The following UGT1A10 variants were observed in gnomAD, a reference collection of about 807,000 sequenced individuals.
UGT1A10 encodes the protein UDP glucuronosyltransferase family 1 member A10, also known as UDP-glucuronosyltransferase 1A10.
UGT1A10 carries 49 observed loss-of-function variants against 45.8 expected under a neutral mutation model. The observed-to-expected ratio is 1.07, with a 90% CI of 0.85 to 1.36. The LOEUF (loss-of-function observed/expected upper bound fraction) is 1.36, where lower values mean the gene tolerates loss of function less well. UGT1A10 is among the 40% of genes most tolerant of loss of function. UGT1A10 has a pLI of 0.00. For missense variants in UGT1A10, 745 were observed against 668.6 expected (o/e 1.11, Z -1.26); for synonymous variants, 284 against 249.7 (o/e 1.14, Z -1.29).
At chr2:233,718,728 G>C in intron 1 of UGT1A10, 1 of 1,610,998 alleles carries the variant, frequency 6.2e-7, no homozygotes, top group Non-Finnish European at 8.5e-7. Flanking sequence ...TGATTTGCTA[G>C]GTGGCTCAAT....
chr2:233,693,309 G>A (rs1394238379), intron 1 of UGT1A10: 4 of 1,614,038 alleles, frequency 2.5e-6, no homozygotes, highest in Middle Eastern at 1.6e-4. Flanking sequence ...TTTGCTGAGC[G>A]ATCATTCCTA....
intron 1 of UGT1A10, among the ~76,000 whole-genome samples, chr2:233,638,737 C>T (rs1188649158): frequency 1.3e-5 from 2 of 152,140 alleles, no homozygotes; most frequent in Admixed American, 6.5e-5. Flanking sequence ...GACTTTGTAA[C>T]ACAGTTATAT....
At position 233,636,970 on chromosome 2, in the gene UGT1A10, T is replaced by C. The variant is rs759351679; in HGVS notation, c.448T>C (p.Phe150Leu). The part of the protein sequence containing the change: ...SSFDAVFLDP[F>L]DTCGLIVAKY... ...TTTTGATGCAGTGTTTCTGGATCCT[T>C]TTGATACCTGTGGCTTAATTGTTGC... The change falls in exon 1 of 5, where the codon TTT (phenylalanine) becomes CTT (leucine). Residue 150 changes from phenylalanine to leucine, a missense_variant. Physicochemically the swap from Phe to Leu is conservative, Grantham distance 22. Coordinates refer to ENST00000344644, the MANE Select transcript of UGT1A10 (RefSeq NM_019075.4). 6.2e-6 allele frequency: 10 copies of C among 1,614,178 alleles called. No individual in the cohort carries two copies. In the South Asian group the frequency reaches 1.1e-4, roughly 18 times the overall value.
At chr2:233,699,748 C>T (rs1437214781) in intron 1 of UGT1A10, among the ~76,000 whole-genome samples, 1 of 152,182 alleles carries the variant, frequency 6.6e-6, no homozygotes, top group African/African-American at 2.4e-5. Context: ...GAAAACTAGA[C>T]CCCAGTTCCT....
intron 1 of UGT1A10, chr2:233,747,707 A>C (rs1693758037): frequency 1.2e-6 from 2 of 1,612,800 alleles, no homozygotes; most frequent in East Asian, 4.5e-5. Context: ...CTAAGTACCT[A>C]TCAATTCCTG....
intron 1 of UGT1A10, among the ~76,000 whole-genome samples, chr2:233,749,836 C>T (rs550199256): frequency 1.5e-4 from 23 of 152,008 alleles, no homozygotes; most frequent in South Asian, 8.3e-4. Context: ...TCATGTAAGA[C>T]GTGTCTTTGC....
rs1700558646 is a variant in UGT1A10, at chr2:233,772,951, T to C, written c.*392T>C. The stretch of plus-strand genomic sequence containing the variant: ...AATCTTATCTTTTGGCTTCTGCAGA[T>C]GGTTGCAATTGATCCTTAACCAATA... On this transcript the variant is annotated 3_prime_UTR_variant, in exon 5 of 5. Transcript: ENST00000344644. 1 of 322,076 alleles carries C rather than the reference T, an allele frequency of 3.1e-6. No homozygotes were observed. Among genetic ancestry groups the C allele is most frequent in the South Asian group, 3.1e-5 (1 of 32,036 alleles). The allele number at this position is 322,076 out of a possible 1,614,324, so 20.0% of individuals were successfully genotyped here. A position where few individuals can be genotyped will look rare whatever the true frequency, so the allele number is the denominator to read the frequency against.
intron 1 of UGT1A10, among the ~76,000 whole-genome samples, chr2:233,746,235 C>A (rs565676121): frequency 6.6e-6 from 1 of 151,714 alleles, no homozygotes; most frequent in South Asian, 2.1e-4. Flanking sequence ...ATGCAAACTG[C>A]TAAAAGATAC....
At chr2:233,724,292 C>T (rs1379070155) in intron 1 of UGT1A10, among the ~76,000 whole-genome samples, 3 of 129,054 alleles carry the variant, frequency 2.3e-5, no homozygotes, top group African/African-American at 9.1e-5. Context: ...GGGGGGCTGA[C>T]CCCCCCACCT....
intron 1 of UGT1A10, among the ~76,000 whole-genome samples, chr2:233,700,840 T>G (rs891467529): frequency 9.9e-5 from 15 of 152,232 alleles, no homozygotes; most frequent in Middle Eastern, 3.4e-3. Context: ...TCATTTAGCA[T>G]TAGGTATATC....
At chr2:233,697,548 GTTTA>G (rs1421129202) in intron 1 of UGT1A10, among the ~76,000 whole-genome samples, 1 of 142,316 alleles carries the variant, frequency 7.0e-6, no homozygotes, top group Non-Finnish European at 1.5e-5. Context: ...TCTTTGCATT[GTTTA>G]TTTAGCCTCA....
chr2:233,725,322 G>T (rs1180235241), intron 1 of UGT1A10, among the ~76,000 whole-genome samples: 1 of 103,758 alleles, frequency 9.6e-6, no homozygotes, highest in Admixed American at 1.0e-4. Context: ...AGAGGCGCCT[G>T]GTCAACAATC....
intron 1 of UGT1A10, among the ~76,000 whole-genome samples, chr2:233,655,762 T>G (rs2073841258): frequency 6.6e-6 from 1 of 152,174 alleles, no homozygotes; most frequent in Non-Finnish European, 1.5e-5. Context: ...CAGAGCCCCA[T>G]CCCTGCAAGA....
chr2:233,760,256 G>A (rs2125981290), intron 1 of UGT1A10: 1 of 1,610,940 alleles, frequency 6.2e-7, no homozygotes, highest in South Asian at 1.1e-5. Context: ...ATAAGTAGGA[G>A]AGGGCGAACC....
intron 1 of UGT1A10, among the ~76,000 whole-genome samples, chr2:233,677,356 T>C (rs2074388289): frequency 6.6e-6 from 1 of 152,160 alleles, no homozygotes; most frequent in Non-Finnish European, 1.5e-5. Flanking sequence ...AATGTGGGAA[T>C]GAAGGGGACC....
chr2:233,753,266 G>A (rs1351102535), intron 1 of UGT1A10: 2 of 152,220 alleles, frequency 1.3e-5, no homozygotes, highest in South Asian at 2.1e-4. Flanking sequence ...CAGGCACCTT[G>A]GAGCATGTTG....
At chr2:233,654,341 G>A (rs1046176010) in intron 1 of UGT1A10, among the ~76,000 whole-genome samples, 12 of 152,120 alleles carry the variant, frequency 7.9e-5, no homozygotes, top group African/African-American at 2.7e-4. Context: ...TCAACCTTCA[G>A]GATTATGTGT....
chr2:233,767,049 AT>A lies in UGT1A10; in HGVS notation c.873del (p.Asn292MetfsTer71). ...KPLPMEFEAY[I>X]NASGEHGIVV... ...CTGGCTCTAGGAATTTGAAGCCTACATTAATGCTTCTGGAGAACATGGAATT... is the reference window on the plus strand; with the variant it reads ...CTGGCTCTAGGAATTTGAAGCCTACATAATGCTTCTGGAGAACATGGAATT... On this transcript the variant is annotated frameshift_variant, in exon 2 of 5. Transcript: ENST00000344644. LOFTEE classifies it high-confidence loss of function. The A allele has an allele frequency of 6.2e-7, 1 of 1,614,146 alleles. No individual in the cohort carries two copies. The highest frequency in any genetic ancestry group is 8.5e-7 in the Non-Finnish European group (1 of 1,180,002).
At chr2:233,718,209 T>C (rs1050950031) in intron 1 of UGT1A10, among the ~76,000 whole-genome samples, 2 of 152,238 alleles carry the variant, frequency 1.3e-5, no homozygotes, top group Non-Finnish European at 2.9e-5. Flanking sequence ...TTTTTTTATA[T>C]TGACAGCCAC....
Sources: gnomAD v4.1 joint callset for allele counts (sites outside exome capture counted in the v4.1 genomes callset) on GRCh38, gnomAD v4.1.1 for gene constraint, MANE v1.5 for transcripts, NCBI Gene and HGNC (gene_info 2026-07-23, HGNC 2026-07-21) for gene names.